Variants in ATP11A observed in about 807,000 individuals in gnomAD.
ATP11A encodes ATPase phospholipid transporting 11A, also known as phospholipid-transporting ATPase IH.
A neutral mutation model predicts 154.4 loss-of-function variants in ATP11A; 81 were observed. The ratio of observed to expected loss-of-function variants is 0.52; its 90% CI spans 0.44 to 0.63. The LOEUF (loss-of-function observed/expected upper bound fraction) is 0.63, where lower values mean the gene tolerates loss of function less well. ATP11A is among the 30% of genes least tolerant of loss of function. ATP11A has a pLI of 0.00. For missense variants in ATP11A, 1,316 were observed against 1,474.3 expected (o/e 0.89, Z 1.76); for synonymous variants, 623 against 585.9 (o/e 1.06, Z -0.91).
chr13:112,700,980 G>A (rs1013977977), intron 1 of ATP11A, among the ~76,000 whole-genome samples: 5 of 152,316 alleles, frequency 3.3e-5, no homozygotes, highest in East Asian at 3.9e-4. Flanking sequence ...CCACGTTAGC[G>A]CTGTGGGGAA....
chr13:112,850,381 G>A (rs2079729783), intron 17 of ATP11A, among the ~76,000 whole-genome samples: 1 of 152,206 alleles, frequency 6.6e-6, no homozygotes, highest in African/African-American at 2.4e-5. Flanking sequence ...AGGTTCATCT[G>A]TAAACCGCCC....
chr13:112,877,498 G>A (rs1306955779), intron 28 of ATP11A, among the ~76,000 whole-genome samples: 1 of 152,242 alleles, frequency 6.6e-6, no homozygotes, highest in Non-Finnish European at 1.5e-5. Context: ...ATGTAACAAG[G>A]ACATCAGGCA....
chr13:112,774,435 G>T (rs952372511), intron 1 of ATP11A, among the ~76,000 whole-genome samples: 2 of 152,170 alleles, frequency 1.3e-5, no homozygotes, highest in Non-Finnish European at 2.9e-5. Flanking sequence ...TGGAGAAATG[G>T]GAGACGATGA....
intron 1 of ATP11A, among the ~76,000 whole-genome samples, chr13:112,737,885 T>C (rs1430740946): frequency 6.6e-6 from 1 of 152,194 alleles, no homozygotes. Context: ...TTTTTCGTGG[T>C]GCAGGGAAAT....
intron 16 of ATP11A, among the ~76,000 whole-genome samples, chr13:112,837,858 C>T (rs1034969875): frequency 2.6e-5 from 4 of 152,042 alleles, no homozygotes; most frequent in South Asian, 2.1e-4. Flanking sequence ...GTGTGACTCT[C>T]GGTGACGCCC....
chr13:112,866,690 C>T (rs2080345338), intron 25 of ATP11A, among the ~76,000 whole-genome samples: 2 of 93,586 alleles, frequency 2.1e-5, no homozygotes, highest in African/African-American at 7.2e-5. Context: ...TTAGCCTGAC[C>T]TCTCTCTCCC....
intron 22 of ATP11A, chr13:112,858,690 T>C (rs1192122499): frequency 1.2e-5 from 2 of 170,014 alleles, no homozygotes; most frequent in African/African-American, 4.8e-5. Flanking sequence ...TCTGTAGCTG[T>C]CTTGGTGATG....
intron 25 of ATP11A, among the ~76,000 whole-genome samples, chr13:112,865,651 G>A (rs912344221): frequency 3.9e-5 from 6 of 152,206 alleles, no homozygotes; most frequent in East Asian, 3.9e-4. Flanking sequence ...CTGGGTTCAC[G>A]CCATTCTCCT....
At position 112,854,306 on chromosome 13, in the gene ATP11A, C is replaced by A. The variant is rs751327463; in HGVS notation, c.2019C>A (p.Ile673=). 27 of 1,614,008 alleles carry A rather than the reference C, an allele frequency of 1.7e-5. No individual in the cohort carries two copies. The highest frequency in any genetic ancestry group is 2.0e-5 in the Non-Finnish European group (24 of 1,180,044). Reference sequence around the variant, plus strand: ...TGCAGGAGAAAGCTGCAGACACCATCGAGGCCCTGCAGAAGGCCGGGATCA... The same window carrying A: ...TGCAGGAGAAAGCTGCAGACACCATAGAGGCCCTGCAGAAGGCCGGGATCA... ...DRLQEKAADT[I]EALQKAGIKV... The change falls in exon 19 of 30, where the codon ATC becomes ATA. Residue 673 remains isoleucine (I), a synonymous_variant. Coordinates refer to ENST00000375645, the MANE Select transcript of ATP11A (RefSeq NM_015205.3).
chr13:112,810,416 A>G (rs1440608465), intron 4 of ATP11A, among the ~76,000 whole-genome samples: 1 of 152,254 alleles, frequency 6.6e-6, no homozygotes, highest in Non-Finnish European at 1.5e-5. Flanking sequence ...GCAGACATTT[A>G]AAGCAGCTCG....
rs1439613505 is a variant in ATP11A, at chr13:112,838,074, G to T, written c.1705+1823G>T. On this transcript the variant is annotated intron_variant, in intron 16 of 29. Transcript: ENST00000375645. This position sits in a 1 kb window ranked among gnomAD's most constrained non-coding sequence, Gnocchi z 7.3. ...TGTCTACTGATGGTCATAGGATGAG[G>T]AACAATCTGTGTGTGAATGTTGCCA... Among the ~76,000 whole-genome samples, 4 of 152,166 alleles carry T rather than the reference G, an allele frequency of 2.6e-5. No homozygotes were observed. The highest frequency in any genetic ancestry group is 5.9e-5 in the Non-Finnish European group (4 of 68,028).
chr13:112,712,931 A>G (rs1003615507), intron 1 of ATP11A, among the ~76,000 whole-genome samples: 4 of 152,254 alleles, frequency 2.6e-5, no homozygotes, highest in Non-Finnish European at 4.4e-5. Context: ...TATAGCAGCC[A>G]TGCTGGAACT....
chr13:112,845,691 G>C (rs12868658), intron 17 of ATP11A, among the ~76,000 whole-genome samples: 4 of 96,736 alleles, frequency 4.1e-5, no homozygotes, highest in Non-Finnish European at 8.1e-5. Context: ...GTACTAACCA[G>C]TCCAGTTGCT....
At chr13:112,880,459 G>T (rs1415795259) in intron 29 of ATP11A, 23 of 1,115,250 alleles carry the variant, frequency 2.1e-5, no homozygotes, top group Non-Finnish European at 2.5e-5. Context: ...TCCTGCTGGG[G>T]TCCCACGGAT....
rs1302373358 is a variant in ATP11A, at chr13:112,882,889, G to C, written c.*1023G>C. On this transcript the variant is annotated 3_prime_UTR_variant, in exon 30 of 30. Coordinates refer to ENST00000375645, the MANE Select transcript of ATP11A (RefSeq NM_015205.3). This position sits in a 1 kb window ranked among gnomAD's most constrained non-coding sequence, Gnocchi z 5.1. Reference sequence around the variant, plus strand: ...AGGTGGTGTTCGTGCACCAGAACCTGTCTCGGGCTGACGGGGGTGGCACAC... The same window carrying C: ...AGGTGGTGTTCGTGCACCAGAACCTCTCTCGGGCTGACGGGGGTGGCACAC... The C allele has an allele frequency of 2.0e-5, 8 of 398,812 alleles. No individual in the cohort carries two copies. Among genetic ancestry groups the C allele is most frequent in the Non-Finnish European group, 3.5e-5 (8 of 226,316 alleles). The allele number at this position is 398,812 out of a possible 1,614,324, so 24.7% of individuals were successfully genotyped here. A position where few individuals can be genotyped will look rare whatever the true frequency, so the allele number is the denominator to read the frequency against.
intron 29 of ATP11A, chr13:112,880,694 A>G: frequency 8.0e-7 from 1 of 1,253,254 alleles, no homozygotes; most frequent in Non-Finnish European, 1.0e-6. Flanking sequence ...TGTGACTGTC[A>G]GACCCGTTTT....
At chr13:112,719,905 AAG>A (rs1465550659) in intron 1 of ATP11A, among the ~76,000 whole-genome samples, 1 of 152,254 alleles carries the variant, frequency 6.6e-6, no homozygotes, top group Admixed American at 6.5e-5. Flanking sequence ...ATTTAAAAAA[AAG>A]TATTTCCATT....
chr13:112,745,663 A>C (rs1892046233), intron 1 of ATP11A: 1 of 152,232 alleles, frequency 6.6e-6, no homozygotes, highest in Non-Finnish European at 1.5e-5. Flanking sequence ...GGAAAGCCAA[A>C]AAAACAAAAG....
intron 24 of ATP11A, chr13:112,860,890 C>T (rs1594203902): frequency 1.3e-5 from 2 of 153,862 alleles, no homozygotes; most frequent in African/African-American, 4.8e-5. Flanking sequence ...CCCCCAAGGT[C>T]TCTGGCAGAT....
Sources: gnomAD v4.1 joint callset for allele counts (sites outside exome capture counted in the v4.1 genomes callset) on GRCh38, gnomAD v4.1.1 for gene constraint, Gnocchi (gnomAD v3.1) non-coding constraint, MANE v1.5 for transcripts, NCBI Gene and HGNC (gene_info 2026-07-23, HGNC 2026-07-21) for gene names.